The following PCDHGA3 variants were observed in gnomAD, a reference collection of about 807,000 sequenced individuals.
PCDHGA3 encodes the protein protocadherin gamma subfamily A, 3.
A neutral mutation model predicts 58.5 loss-of-function variants in PCDHGA3; 40 were observed. The observed-to-expected ratio is 0.68, with a 90% confidence interval of 0.53 to 0.89. The LOEUF (loss-of-function observed/expected upper bound fraction) is 0.89. PCDHGA3 is among the 40% of genes least tolerant of loss of function. The pLI, the probability that PCDHGA3 is intolerant of heterozygous loss-of-function variation, is 0.00. For synonymous variants in PCDHGA3, 530 were observed against 525.7 expected, an observed-to-expected ratio of 1.01 and a Z score of -0.11; for missense variants, 1,223 against 1,195.9, an observed-to-expected ratio of 1.02 and a Z score of -0.33.
At chr5:141,413,449 G>T in intron 1 of PCDHGA3, 2 of 1,614,120 alleles carry the variant, frequency 1.2e-6, no homozygotes, top group South Asian at 2.2e-5. Context: ...GATCACCGCG[G>T]GCAGGATAGA....
chr5:141,348,389 C>T (rs2149748741), intron 1 of PCDHGA3, among the ~76,000 whole-genome samples: 1 of 152,176 alleles, frequency 6.6e-6, no homozygotes, highest in East Asian at 1.9e-4. Context: ...GGCAACATAG[C>T]ATGACCCTGT....
chr5:141,428,658 T>C (rs932328483), intron 1 of PCDHGA3: 1 of 165,620 alleles, frequency 6.0e-6, no homozygotes, highest in Non-Finnish European at 1.3e-5. Context: ...TGAGTTCCAA[T>C]GAATGTCTTT....
intron 1 of PCDHGA3, chr5:141,388,988 A>G (rs756635794): frequency 6.2e-7 from 1 of 1,614,076 alleles, no homozygotes; most frequent in Non-Finnish European, 8.5e-7. Flanking sequence ...CTTTGCTCAA[A>G]GTCCGTGACA....
chr5:141,393,206 A>G (rs774279389), intron 1 of PCDHGA3: 2 of 1,613,588 alleles, frequency 1.2e-6, no homozygotes, highest in Non-Finnish European at 1.7e-6. Flanking sequence ...ATAATAACCC[A>G]AAATTCCAGG....
At chr5:141,398,254 A>C (rs868152545) in intron 1 of PCDHGA3, 1 of 1,465,852 alleles carries the variant, frequency 6.8e-7, no homozygotes, top group East Asian at 2.5e-5. Context: ...GGAAATGCCC[A>C]AGGGCTCCGT....
intron 1 of PCDHGA3, among the ~76,000 whole-genome samples, chr5:141,438,397 C>A (rs950830331): frequency 6.6e-6 from 1 of 151,624 alleles, no homozygotes. Context: ...TCATCATTAA[C>A]TCTCTGAAGT....
chr5:141,399,773 G>A (rs750173338), intron 1 of PCDHGA3: 3 of 1,613,302 alleles, frequency 1.9e-6, no homozygotes, highest in Admixed American at 1.7e-5. Flanking sequence ...GTGTTGGTGG[G>A]CGACCGAAAC....
chr5:141,388,785 G>T, intron 1 of PCDHGA3: 1 of 1,613,868 alleles, frequency 6.2e-7, no homozygotes, highest in South Asian at 1.1e-5. Context: ...GGAAATTACT[G>T]TTTTAAATAC....
chr5:141,352,377 C>G (rs1324121719), intron 1 of PCDHGA3: 1 of 1,614,038 alleles, frequency 6.2e-7, no homozygotes, highest in Non-Finnish European at 8.5e-7. Context: ...GTGATTCTAG[C>G]GATCGCCCTG....
chr5:141,444,800 A>G (rs1294854513), intron 1 of PCDHGA3, among the ~76,000 whole-genome samples: 1 of 152,078 alleles, frequency 6.6e-6, no homozygotes, highest in East Asian at 1.9e-4. Flanking sequence ...CTATTCTTTT[A>G]CTAATAGCAC....
At chr5:141,374,816 C>A (rs771806207) in intron 1 of PCDHGA3, 1 of 1,613,964 alleles carries the variant, frequency 6.2e-7, no homozygotes, top group Non-Finnish European at 8.5e-7. Context: ...GTTTACTCAG[C>A]CTGTCTACCG....
intron 1 of PCDHGA3, chr5:141,364,607 G>C (rs775025025): frequency 1.9e-6 from 3 of 1,614,080 alleles, no homozygotes; most frequent in African/African-American, 2.7e-5. Flanking sequence ...GATAGACCGG[G>C]AGGAGCTCTG....
chr5:141,374,568 T>C (rs778991888), intron 1 of PCDHGA3: 1 of 1,613,706 alleles, frequency 6.2e-7, no homozygotes, highest in South Asian at 1.1e-5. Flanking sequence ...GACCCTGATG[T>C]GGGAATGAAC....
chr5:141,453,387 G>A (rs1313174494), intron 1 of PCDHGA3, among the ~76,000 whole-genome samples: 1 of 151,936 alleles, frequency 6.6e-6, no homozygotes, highest in Non-Finnish European at 1.5e-5. Flanking sequence ...TCCTGCCTTA[G>A]CCTCCAAGTG....
At chr5:141,371,573 A>G in intron 1 of PCDHGA3, 1 of 1,613,948 alleles carries the variant, frequency 6.2e-7, no homozygotes, top group Non-Finnish European at 8.5e-7. Flanking sequence ...TCCCCTTTAA[A>G]ATCGTTCAAG....
At chr5:141,352,764 TG>T in intron 1 of PCDHGA3, 1 of 1,285,160 alleles carries the variant, frequency 7.8e-7, no homozygotes, top group African/African-American at 1.5e-5. Flanking sequence ...CTGAGGCAGG[TG>T]GATCACTTGA....
At position 141,345,099 on chromosome 5, in the gene PCDHGA3, G is replaced by T. The variant is rs541638352; in HGVS notation, c.1066G>T (p.Val356Phe). The T allele has an allele frequency of 6.2e-7, 1 of 1,614,002 alleles. No homozygotes were observed. The highest frequency in any genetic ancestry group is 1.3e-5 in the African/African-American group (1 of 75,022). The change falls in exon 1 of 4, where the codon GTC (valine) becomes TTC (phenylalanine). Residue 356 changes from valine to phenylalanine, a missense_variant. This residue lies in a region of PCDHGA3 where 791 missense variants were observed against 708.5 expected (regional missense o/e 1.12). Transcript: ENST00000253812. ...EITITSLTSSVPEEGTVGREI... is the reference protein window; with the variant it reads ...EITITSLTSSFPEEGTVGREI... ...TACAATCACGTCTCTCACAAGCTCAGTCCCAGAAGAGGGCACCGTTGGAAG... is the reference window on the plus strand; with the variant it reads ...TACAATCACGTCTCTCACAAGCTCATTCCCAGAAGAGGGCACCGTTGGAAG...
chr5:141,405,242 A>G, intron 1 of PCDHGA3: 1 of 1,614,156 alleles, frequency 6.2e-7, no homozygotes, highest in Non-Finnish European at 8.5e-7. Flanking sequence ...CGCTGACTCA[A>G]GGAAGAGTCA....
intron 1 of PCDHGA3, chr5:141,404,621 G>T: frequency 6.2e-7 from 1 of 1,614,174 alleles, no homozygotes; most frequent in South Asian, 1.1e-5. Context: ...GGACCAGAAT[G>T]ACAATGCCCC....
Sources: allele counts gnomAD v4.1 joint callset (sites outside exome capture counted in the v4.1 genomes callset), GRCh38; gene constraint gnomAD v4.1.1; regional missense constraint gnomAD v4.1.1; transcripts MANE v1.5; gene names NCBI Gene and HGNC (gene_info 2026-07-23, HGNC 2026-07-21).